KDM2B: variants seen among roughly 807,000 people sequenced by gnomAD.
KDM2B encodes the protein lysine-specific demethylase 2B.
In KDM2B, 26 loss-of-function variants were observed where a neutral mutation model predicts 150.0. That is an observed-to-expected ratio of 0.17 (90% CI 0.13 to 0.24). KDM2B has a LOEUF of 0.24. Ranked by LOEUF, KDM2B falls within the 10% of genes least tolerant of loss-of-function variation. KDM2B has a pLI of 1.00. For missense variants in KDM2B, 1,265 were observed against 1,816.9 expected, an observed-to-expected ratio of 0.70 and a Z score of 5.52; for synonymous variants, 734 against 729.5, an observed-to-expected ratio of 1.01 and a Z score of -0.10.
intron 6 of KDM2B, among the ~76,000 whole-genome samples, chr12:121,543,563 T>C (rs1207059605): frequency 2.6e-5 from 4 of 152,020 alleles, no homozygotes; most frequent in African/African-American, 7.2e-5. Context: ...TGGTGGCTCA[T>C]GCCTGTAATC....
At chr12:121,443,600 G>A in intron 17 of KDM2B, 80 bp downstream of exon 17, 1 of 825,232 alleles carries the variant, frequency 1.2e-6, no homozygotes, top group Non-Finnish European at 2.1e-6. Context: ...GTGGGGTGGA[G>A]GACCAGCGGG....
chr12:121,465,920 A>T (rs1555294678), intron 12 of KDM2B, among the ~76,000 whole-genome samples: 1 of 152,216 alleles, frequency 6.6e-6, no homozygotes, highest in East Asian at 1.9e-4. Context: ...ACTTAATAAA[A>T]GTTCAAGCCA....
chr12:121,542,437 A>G (rs1888682205), intron 6 of KDM2B, among the ~76,000 whole-genome samples: 1 of 152,246 alleles, frequency 6.6e-6, no homozygotes, highest in Admixed American at 6.5e-5. Context: ...AAGCCACCAC[A>G]CATGGCCAAG....
chr12:121,572,836 T>C (rs1483272463), intron 4 of KDM2B, among the ~76,000 whole-genome samples: 8 of 150,362 alleles, frequency 5.3e-5, no homozygotes, highest in Non-Finnish European at 1.0e-4. Flanking sequence ...TTTTTTTTTT[T>C]TTTTTTTGAG....
At chr12:121,496,790 TG>T (rs1343968854) in intron 11 of KDM2B, among the ~76,000 whole-genome samples, 1 of 151,636 alleles carries the variant, frequency 6.6e-6, no homozygotes, top group East Asian at 1.9e-4. Flanking sequence ...CCCAAAGTGC[TG>T]GGATTGCGAG....
At chr12:121,481,720 C>G (rs1168551284) in intron 12 of KDM2B, among the ~76,000 whole-genome samples, 1 of 152,066 alleles carries the variant, frequency 6.6e-6, no homozygotes, top group African/African-American at 2.4e-5. Context: ...GGCCAGAGCC[C>G]TCAAGATCTC....
chr12:121,469,230 A>AGAATCTTCT (rs1880470821), intron 12 of KDM2B: 2 of 151,790 alleles, frequency 1.3e-5, no homozygotes, highest in African/African-American at 4.8e-5. Context: ...ATCTTCTCAA[A>AGAATCTTCT]GTTGCAACAG....
At chr12:121,410,280 T>G in the KDM2B span, among the ~76,000 whole-genome samples, 1 of 152,136 alleles carries the variant, frequency 6.6e-6, no homozygotes, top group Non-Finnish European at 1.5e-5. Context: ...GGCTCATGCC[T>G]GTAATCCCAG....
intron 12 of KDM2B, among the ~76,000 whole-genome samples, chr12:121,471,161 A>G (rs1425232697): frequency 6.6e-6 from 1 of 152,190 alleles, no homozygotes; most frequent in Non-Finnish European, 1.5e-5. Flanking sequence ...AAAATTTAGC[A>G]TGTACACTGT....
At chr12:121,436,818 A>G (rs543155389) in intron 22 of KDM2B, among the ~76,000 whole-genome samples, 59 of 152,214 alleles carry the variant, frequency 3.9e-4, no homozygotes, top group Admixed American at 7.2e-4. Flanking sequence ...TTACAAGGAG[A>G]GAAAATAGAT....
At chr12:121,443,140 G>T in intron 17 of KDM2B, 110 bp from the exon 18 acceptor site, 2 of 1,060,278 alleles carry the variant, frequency 1.9e-6, no homozygotes, top group Non-Finnish European at 1.4e-6. Flanking sequence ...AGGGGCTGGA[G>T]GGAGGCCTTC....
chr12:121,580,255 G>A lies in KDM2B; in HGVS notation c.126+531C>T, dbSNP rs555689699. 9.2e-5 allele frequency: 118 copies of A among 1,275,756 alleles called. 1 individual carries two copies. The highest frequency in any genetic ancestry group is 8.1e-4 in the East Asian group (27 of 33,204). The allele number at this position is 1,275,756 out of a possible 1,614,324, so 79.0% of individuals were successfully genotyped here. ...AGGAAACCATTTTCAGCAGTTGTGG[G>A]GGGGGGGAGGCGTCGACGTCATAAT... On this transcript the variant is annotated intron_variant, in intron 1 of 22. Transcript: ENST00000377071.
intron 4 of KDM2B, among the ~76,000 whole-genome samples, chr12:121,567,025 G>C (rs1262863993): frequency 6.6e-6 from 1 of 151,850 alleles, no homozygotes; most frequent in African/African-American, 2.4e-5. Context: ...GGGATTACAG[G>C]TGTGAGCCAC....
At chr12:121,496,055 C>A (rs1555300920) in intron 11 of KDM2B, among the ~76,000 whole-genome samples, 1 of 152,070 alleles carries the variant, frequency 6.6e-6, no homozygotes, top group East Asian at 1.9e-4. Flanking sequence ...TGCTACCCAG[C>A]TGAATTATCT....
In KDM2B at chr12:121,489,236, C is replaced by T. The variant is rs537592157; in HGVS notation, c.1734+5343G>A. On this transcript the variant is annotated intron_variant, in intron 12 of 22. Transcript: ENST00000377071. ...CTGGGATTACAGGTGTGAGCCACTG[C>T]GCCCGGCCGGGTTTTATTTATTTTA... is the stretch of plus-strand genomic sequence containing the variant. Among the ~76,000 whole-genome samples the T allele has an allele frequency of 9.2e-5, 14 of 152,124 alleles. No individual in the cohort carries two copies. In the East Asian group the frequency reaches 1.5e-3, roughly 17 times the overall value.
chr12:121,571,185 C>T (rs782073854), intron 4 of KDM2B, among the ~76,000 whole-genome samples: 3 of 152,092 alleles, frequency 2.0e-5, no homozygotes, highest in Admixed American at 6.6e-5. Context: ...AATCTAACAG[C>T]GATGGGGGAA....
chr12:121,563,361 C>A (rs1423231913), intron 4 of KDM2B, among the ~76,000 whole-genome samples: 1 of 152,032 alleles, frequency 6.6e-6, no homozygotes, highest in African/African-American at 2.4e-5. Flanking sequence ...AATCCCAGCA[C>A]TTTGGGAGGC....
intron 11 of KDM2B, among the ~76,000 whole-genome samples, chr12:121,503,290 T>G (rs1190701701): frequency 1.5e-5 from 2 of 136,658 alleles, no homozygotes; most frequent in Non-Finnish European, 3.1e-5. Flanking sequence ...TGGTGTTTTG[T>G]TTTTTTTTTT....
At chr12:121,530,093 T>C (rs1887522988) in intron 8 of KDM2B, among the ~76,000 whole-genome samples, 1 of 151,438 alleles carries the variant, frequency 6.6e-6, no homozygotes, top group South Asian at 2.1e-4. Flanking sequence ...CCAGGCATGG[T>C]GGCGGGTGCC....
Sources: allele counts gnomAD v4.1 joint callset (sites outside exome capture counted in the v4.1 genomes callset), GRCh38; gene constraint gnomAD v4.1.1; transcripts MANE v1.5; gene names NCBI Gene and HGNC (gene_info 2026-07-23, HGNC 2026-07-21).